The following XPNPEP1 variants were observed in gnomAD, a reference collection of about 807,000 sequenced individuals.
XPNPEP1 encodes the protein xaa-Pro aminopeptidase 1.
Under a neutral mutation model 92.4 loss-of-function variants are expected in XPNPEP1, and 39 were observed. The observed-to-expected ratio is 0.42, with a 90% CI of 0.33 to 0.55. The LOEUF (loss-of-function observed/expected upper bound fraction) is 0.55. Among genes scored for constraint, XPNPEP1 ranks in the 20% least tolerant of loss-of-function variants. The pLI, the probability that XPNPEP1 is intolerant of heterozygous loss-of-function variation, is 0.08. For missense variants in XPNPEP1, 654 were observed against 856.1 expected, an observed-to-expected ratio of 0.76 and a Z score of 2.95; for synonymous variants, 307 against 299.4, an observed-to-expected ratio of 1.03 and a Z score of -0.26.
chr10:109,870,904 C>A lies in XPNPEP1; in HGVS notation c.1523G>T (p.Gly508Val). ...SAAVFPTGTK[G>V]HLLDSFARSA... ...ACGGGCAAAGGAGTCAAGAAGGTGA[C>A]CTGAAAGACATAAAGAGCCACTTAA... Residue 508 changes from glycine (G) to valine (V), a missense_variant and splice_region_variant, in exon 18 of 21, where the codon GGT becomes GTT. Coordinates refer to ENST00000502935, the MANE Select transcript of XPNPEP1 (RefSeq NM_020383.4). The A allele has an allele frequency of 1.9e-6, 3 of 1,612,816 alleles. No homozygotes were observed. The highest frequency in any genetic ancestry group is 2.5e-6 in the Non-Finnish European group (3 of 1,179,490).
intron 3 of XPNPEP1, among the ~76,000 whole-genome samples, chr10:109,905,537 T>A (rs1425068186): frequency 6.6e-6 from 1 of 151,874 alleles, no homozygotes; most frequent in Admixed American, 6.6e-5. Context: ...GAAAGTAGAA[T>A]GGTGGTTGCC....
intron 9 of XPNPEP1, 115 bp downstream of exon 9, chr10:109,883,952 A>G (rs1848247267): frequency 3.4e-6 from 3 of 879,140 alleles, no homozygotes; most frequent in South Asian, 4.1e-5. Flanking sequence ...GGGCAAGAAA[A>G]AAGAAGCACA....
At chr10:109,910,331 G>A (rs1480089498) in intron 2 of XPNPEP1, among the ~76,000 whole-genome samples, 1 of 152,130 alleles carries the variant, frequency 6.6e-6, no homozygotes, top group Non-Finnish European at 1.5e-5. Flanking sequence ...GATCACCTGA[G>A]GTTGGGAGCT....
chr10:109,886,459 C>T (rs959851878), intron 7 of XPNPEP1, 118 bp from the exon 8 acceptor site: 60 of 903,978 alleles, frequency 6.6e-5, no homozygotes, highest in Non-Finnish European at 7.6e-5. Context: ...GAGCACGCTA[C>T]TTAAACAGGC....
intron 1 of XPNPEP1, among the ~76,000 whole-genome samples, chr10:109,918,336 G>A (rs191409802): frequency 3.3e-5 from 5 of 152,216 alleles, no homozygotes; most frequent in Admixed American, 6.5e-5. Flanking sequence ...CAGGAGGATC[G>A]CTTAAGCCAG....
At chr10:109,909,950 ACAT>A (rs1849772385) in intron 2 of XPNPEP1, among the ~76,000 whole-genome samples, 3 of 152,152 alleles carry the variant, frequency 2.0e-5, no homozygotes, top group African/African-American at 7.2e-5. Flanking sequence ...TTACATTAAC[ACAT>A]CATCATCACC....
intron 1 of XPNPEP1, among the ~76,000 whole-genome samples, chr10:109,920,539 G>A (rs181525236): frequency 6.6e-6 from 1 of 152,216 alleles, no homozygotes; most frequent in African/African-American, 2.4e-5. Context: ...AGAGGTGGAA[G>A]GTTATCATTT....
rs115739366 is a variant in XPNPEP1 at position 109,872,198 on chromosome 10, C to T, written c.1453-337G>A. On this transcript the variant is annotated intron_variant, in intron 16 of 20. Coordinates refer to ENST00000502935, the MANE Select transcript of XPNPEP1 (RefSeq NM_020383.4). ...CCCTAGCTAACATTACTGAGCTATC[C>T]TCTGTGCCACGCACTATTCTAAGCA... Among the ~76,000 whole-genome samples the T allele has an allele frequency of 3.8e-3, 580 of 152,328 alleles. 3 individuals are homozygous for T. The highest frequency in any genetic ancestry group is 0.01 in the African/African-American group (416 of 41,566).
chr10:109,883,503 C>T (rs2133407019), intron 9 of XPNPEP1, among the ~76,000 whole-genome samples: 1 of 152,270 alleles, frequency 6.6e-6, no homozygotes, highest in Admixed American at 6.5e-5. Flanking sequence ...AGGACATGCT[C>T]ATCTCCCCAA....
chr10:109,899,474 C>G (rs1358861923), intron 3 of XPNPEP1, among the ~76,000 whole-genome samples: 1 of 152,188 alleles, frequency 6.6e-6, no homozygotes, highest in Non-Finnish European at 1.5e-5. Context: ...CCACTCTATA[C>G]TGCTACATGA....
intron 19 of XPNPEP1, among the ~76,000 whole-genome samples, chr10:109,869,546 G>A (rs972493261): frequency 1.3e-5 from 2 of 152,118 alleles, no homozygotes; most frequent in African/African-American, 4.8e-5. Context: ...AAATTCTAGG[G>A]TCTGGGAGGG....
intron 1 of XPNPEP1, among the ~76,000 whole-genome samples, chr10:109,921,024 A>T (rs1850508451): frequency 6.6e-6 from 1 of 152,194 alleles, no homozygotes; most frequent in South Asian, 2.1e-4. Flanking sequence ...GGATCACAGG[A>T]GCTACGAAGC....
At position 109,918,858 on chromosome 10, in the gene XPNPEP1, GGGAAGGAAGGAAGGAAGGAAGGAAGGAA is replaced by G. The variant is rs869050041; in HGVS notation, c.33-3787_33-3760del. Among the ~76,000 whole-genome samples the G allele has an allele frequency of 9.8e-3, 852 of 87,280 alleles. 5 individuals are homozygous for G. Among genetic ancestry groups the G allele is most frequent in the African/African-American group, 0.02 (548 of 27,082 alleles). The allele number at this position is 87,280 out of a possible 152,430, so 57.3% of individuals were successfully genotyped here. ...GAGGAAGGAAGGAAGGAAGGAAGGA[GGGAAGGAAGGAAGGAAGGAAGGAAGGAA>G]GGAAGGAAGGAAGGAAGGAAGGAAG... On this transcript the variant is annotated intron_variant, in intron 1 of 20. Transcript: ENST00000502935.
chr10:109,866,072 GGAC>G (rs1223558639), intron 20 of XPNPEP1, among the ~76,000 whole-genome samples: 1 of 152,176 alleles, frequency 6.6e-6, no homozygotes, highest in Admixed American at 6.5e-5. Context: ...TTTACCAAGA[GGAC>G]AACAAGCCAC....
intron 3 of XPNPEP1, among the ~76,000 whole-genome samples, chr10:109,894,565 A>T (rs943078367): frequency 2.6e-5 from 4 of 151,894 alleles, no homozygotes; most frequent in Admixed American, 1.3e-4. Flanking sequence ...AAAAAAAAAA[A>T]AAAAGGACTG....
chr10:109,923,006 G>A (rs976918741), intron 1 of XPNPEP1, among the ~76,000 whole-genome samples: 1 of 152,204 alleles, frequency 6.6e-6, no homozygotes, highest in East Asian at 1.9e-4. Context: ...TTAGATTCCT[G>A]GGTAACAGAA....
intron 12 of XPNPEP1, 118 bp downstream of exon 12, chr10:109,880,070 T>A (rs1405066137): frequency 1.0e-6 from 1 of 976,340 alleles, no homozygotes; most frequent in African/African-American, 1.6e-5. Context: ...GCCCAAAAAT[T>A]TGATGAAGAT....
intron 20 of XPNPEP1, among the ~76,000 whole-genome samples, chr10:109,866,704 C>T (rs576891426): frequency 1.6e-4 from 24 of 152,324 alleles, no homozygotes; most frequent in African/African-American, 5.8e-4. Context: ...GATGACGATG[C>T]AGACCCAAAC....
At chr10:109,915,762 T>C (rs1381620422) in intron 1 of XPNPEP1, among the ~76,000 whole-genome samples, 1 of 152,236 alleles carries the variant, frequency 6.6e-6, no homozygotes, top group African/African-American at 2.4e-5. Context: ...TGTTCCCATA[T>C]GGGGATAGTC....
Sources: allele counts gnomAD v4.1 joint callset (sites outside exome capture counted in the v4.1 genomes callset), GRCh38; gene constraint gnomAD v4.1.1; transcripts MANE v1.5; gene names NCBI Gene and HGNC (gene_info 2026-07-23, HGNC 2026-07-21).